HERC2: variants seen among roughly 807,000 people sequenced by gnomAD.
HERC2 encodes the protein HECT and RLD domain containing E3 ubiquitin protein ligase 2, also known as E3 ubiquitin-protein ligase HERC2.
A neutral mutation model predicts 537.7 loss-of-function variants in HERC2; 102 were observed. The observed-to-expected ratio is 0.19, with a 90% confidence interval of 0.16 to 0.22. The LOEUF is 0.22. Ranked by LOEUF, HERC2 falls within the 10% of genes least tolerant of loss-of-function variation. HERC2 has a pLI of 1.00. For missense variants in HERC2, 4,236 were observed against 6,198.2 expected, an observed-to-expected ratio of 0.68 and a Z score of 10.63; for synonymous variants, 2,224 against 2,466.2, an observed-to-expected ratio of 0.90 and a Z score of 2.91.
intron 52 of HERC2, among the ~76,000 whole-genome samples, chr15:28,195,145 T>C (rs1236095437): frequency 2.6e-5 from 4 of 152,148 alleles, no homozygotes; most frequent in African/African-American, 7.2e-5. Context: ...TTGCATTGTT[T>C]AGGTGGAGAA....
At chr15:28,214,307 G>A (rs778177581) in intron 40 of HERC2, 35 bp from the exon 41 acceptor site, 54 of 1,555,668 alleles carry the variant, frequency 3.5e-5, no homozygotes, top group Middle Eastern at 2.3e-4. Context: ...CTGCTGCACC[G>A]CTCTTCACCA....
In HERC2 at chr15:28,192,072, G is replaced by A; in HGVS notation, c.8340C>T (p.Asp2780=). The part of the protein sequence containing the change: ...CHSSQPGMLL[D]SWSRMVKSLN... ...GGCTCTTCACCATGCGGGACCAGCT[G>A]TCCAGCAGCATGCCTGGCTGGCTGC... The change falls in exon 53 of 93, where the codon GAC becomes GAT. Residue 2780 remains aspartate, a synonymous_variant. Coordinates refer to ENST00000261609, the MANE Select transcript of HERC2 (RefSeq NM_004667.6). The A allele has an allele frequency of 4.3e-6, 7 of 1,614,098 alleles. No individual in the cohort carries two copies. Among genetic ancestry groups the A allele is most frequent in the Non-Finnish European group, 5.9e-6 (7 of 1,180,028 alleles).
chr15:28,222,525 AT>A (rs1900632079), intron 35 of HERC2, among the ~76,000 whole-genome samples: 1 of 152,234 alleles, frequency 6.6e-6, no homozygotes, highest in Non-Finnish European at 1.5e-5. Context: ...GATATTCATC[AT>A]ATTTTTTATT....
rs1482665345 is a variant in HERC2 at position 28,238,753 on chromosome 15, C to G, written c.3597G>C (p.Gln1199His). Residue 1199 changes from glutamine (Q) to histidine (H), a missense_variant, in exon 24 of 93, where the codon CAG becomes CAC. By Grantham distance (24) the Gln-to-His change is conservative. Coordinates refer to ENST00000261609, the MANE Select transcript of HERC2 (RefSeq NM_004667.6). ...TCACTTCCTCATTATTTCTACAGTT[C>G]TGACCTGTAAAAAATGACTCTGTAT... ...PGIMESFFTG[Q>H]NCRNNEEVTL... 2.5e-6 allele frequency: 4 copies of G among 1,610,976 alleles called. No homozygotes were observed. In the East Asian group the frequency reaches 8.9e-5, roughly 36 times the overall value.
chr15:28,214,760 C>A lies in HERC2; in HGVS notation c.6253G>T (p.Asp2085Tyr). ...ATGTCCCTCGCCCTTTCGGTCTTGTCCCATGATGGAAGGACTGCTTGCAAC... is the reference window on the plus strand; with the variant it reads ...ATGTCCCTCGCCCTTTCGGTCTTGTACCATGATGGAAGGACTGCTTGCAAC... ...HLLQAVLPSW[D>Y]KTERARDMKC... Residue 2085 changes from aspartate (D) to tyrosine (Y), a missense_variant, in exon 40 of 93, where the codon GAC becomes TAC. Asp to Tyr is a radical substitution (Grantham distance 160). Coordinates refer to ENST00000261609, the MANE Select transcript of HERC2 (RefSeq NM_004667.6). 6.2e-7 allele frequency: 1 copy of A among 1,611,704 alleles called. No homozygotes were observed. Among genetic ancestry groups the A allele is most frequent in the Non-Finnish European group, 8.5e-7 (1 of 1,179,580 alleles).
intron 74 of HERC2, among the ~76,000 whole-genome samples, chr15:28,143,391 G>C (rs1186328594): frequency 6.6e-6 from 1 of 152,138 alleles, no homozygotes. Flanking sequence ...CTTGAACTCA[G>C]TATACACTGC....
chr15:28,118,598 T>C (rs1179403901), intron 86 of HERC2, among the ~76,000 whole-genome samples: 2 of 152,216 alleles, frequency 1.3e-5, no homozygotes, highest in African/African-American at 4.8e-5. Context: ...TAAGATGACC[T>C]GTGTTCTGGA....
chr15:28,285,924 G>A (rs532826376), intron 4 of HERC2, among the ~76,000 whole-genome samples: 2 of 151,496 alleles, frequency 1.3e-5, no homozygotes, highest in Non-Finnish European at 2.9e-5. Context: ...TGACAACTTG[G>A]GCAAAATGGA....
Position 28,213,861 on chromosome 15 carries a change from C to A in HERC2, c.6667G>T (p.Val2223Phe). The change falls in exon 42 of 93, where the codon GTT (valine) becomes TTT (phenylalanine). Residue 2223 changes from valine (V) to phenylalanine (F), a missense_variant. Physicochemically the swap from Val to Phe is conservative, Grantham distance 50 (BLOSUM62 -1). Around this residue, in one of 27 missense-constraint regions of HERC2, gnomAD observed 365 missense variants for 468.8 expected, o/e 0.78. Coordinates refer to ENST00000261609, the MANE Select transcript of HERC2 (RefSeq NM_004667.6). ...CCTTCTCCAAACTCATCGTGCATAA[C>A]TTGACCGCCCAGGCGCAGGCGACCA... Reference protein sequence around the residue: ...IDGRLRLGGQVMHDEFGEGTV... With the variant: ...IDGRLRLGGQFMHDEFGEGTV... The A allele has an allele frequency of 1.9e-6, 3 of 1,614,068 alleles. No homozygotes were observed. The highest frequency in any genetic ancestry group is 2.5e-6 in the Non-Finnish European group (3 of 1,179,946).
chr15:28,155,020 G>GT (rs1258226449), intron 69 of HERC2, among the ~76,000 whole-genome samples: 1 of 149,616 alleles, frequency 6.7e-6, no homozygotes, highest in East Asian at 2.0e-4. Context: ...GCAGTGTTTG[G>GT]TTTTTTTGTC....
intron 39 of HERC2, 127 bp downstream of exon 39, chr15:28,215,494 T>G (rs1411200434): frequency 1.5e-6 from 1 of 649,060 alleles, no homozygotes; most frequent in African/African-American, 1.8e-5. Flanking sequence ...CTCCAGAAAA[T>G]CTACCCTGTC....
intron 2 of HERC2, among the ~76,000 whole-genome samples, chr15:28,306,460 G>T (rs1468640566): frequency 6.6e-6 from 1 of 152,198 alleles, no homozygotes; most frequent in East Asian, 1.9e-4. Context: ...ATGTGTTGTT[G>T]AATTCGGTTT....
chr15:28,202,168 T>C lies in HERC2; in HGVS notation c.7562A>G (p.Asp2521Gly). ...TELSDADTVS[D>G]EYSDEEVVED... ...CACCACCTCCTCGTCAGAATACTCG[T>C]CGGACACCGTGTCTGCATCTGAGAG... Residue 2521 changes from aspartate to glycine, a missense_variant, in exon 47 of 93, where the codon GAC becomes GGC. Physicochemically the swap from Asp to Gly is moderately conservative, Grantham distance 94 (BLOSUM62 -1). Around this residue, in one of 27 missense-constraint regions of HERC2, gnomAD observed 606 missense variants for 884.5 expected, o/e 0.69. Transcript: ENST00000261609. 3 of 1,584,212 alleles carry C rather than the reference T, an allele frequency of 1.9e-6. No homozygotes were observed. Among genetic ancestry groups the C allele is most frequent in the Non-Finnish European group, 2.6e-6 (3 of 1,154,616 alleles).
intron 56 of HERC2, among the ~76,000 whole-genome samples, chr15:28,185,884 T>C (rs890074486): frequency 1.3e-5 from 2 of 152,206 alleles, no homozygotes; most frequent in African/African-American, 4.8e-5. Flanking sequence ...TTCATCACAG[T>C]GTTCCCAGTA....
At position 28,167,803 on chromosome 15, in the gene HERC2, T is replaced by C. The variant is rs1306194971; in HGVS notation, c.10438A>G (p.Thr3480Ala). 6.2e-7 allele frequency: 1 copy of C among 1,613,456 alleles called. No individual in the cohort carries two copies. Among genetic ancestry groups the C allele is most frequent in the African/African-American group, 1.3e-5 (1 of 74,810 alleles). Reference sequence around the variant, plus strand: ...GCCGACGGAGTCACTGCAGAGGGGGTCACTGCGTCCTCAGAGGAAACAATC... The same window carrying C: ...GCCGACGGAGTCACTGCAGAGGGGGCCACTGCGTCCTCAGAGGAAACAATC... ...REIVSSEDAV[T>A]PSAVTPSAPS... Residue 3480 changes from threonine (T) to alanine (A), a missense_variant, in exon 68 of 93, where the codon ACC becomes GCC. This residue lies in a region of HERC2 where 356 missense variants were observed against 450.9 expected (regional missense o/e 0.79). Coordinates refer to ENST00000261609, the MANE Select transcript of HERC2 (RefSeq NM_004667.6).
intron 3 of HERC2, among the ~76,000 whole-genome samples, chr15:28,295,172 C>T (rs1272726857): frequency 6.6e-6 from 1 of 152,046 alleles, no homozygotes; most frequent in East Asian, 1.9e-4. Flanking sequence ...AGTGGGAATG[C>T]AAACTAAAAC....
intron 35 of HERC2, among the ~76,000 whole-genome samples, chr15:28,224,147 ACC>A (rs1491522938): frequency 0.053 from 6,157 of 115,338 alleles, 207 homozygotes; most frequent in Non-Finnish European, 0.061. Flanking sequence ...ACACACACAC[ACC>A]CACACACACA....
intron 21 of HERC2, among the ~76,000 whole-genome samples, chr15:28,247,421 C>CTTTT (rs71132843): frequency 3.2e-4 from 24 of 76,186 alleles, no homozygotes; most frequent in African/African-American, 4.2e-4. Flanking sequence ...CTACATGGTT[C>CTTTT]TTTTTTTTTT....
intron 2 of HERC2, among the ~76,000 whole-genome samples, chr15:28,314,572 T>C (rs1236593209): frequency 3.3e-5 from 5 of 152,004 alleles, no homozygotes; most frequent in African/African-American, 9.7e-5. Flanking sequence ...AAGAATCATA[T>C]GTCAGCCAAG....
Sources: gnomAD v4.1 joint callset for allele counts (sites outside exome capture counted in the v4.1 genomes callset) on GRCh38, gnomAD v4.1.1 for gene constraint, gnomAD v4.1.1 regional missense constraint, MANE v1.5 for transcripts, NCBI Gene and HGNC (gene_info 2026-07-23, HGNC 2026-07-21) for gene names.